The following NLRP9 variants were observed in gnomAD, a reference collection of about 807,000 sequenced individuals.
NLRP9 encodes the protein NACHT, LRR and PYD domains-containing protein 9.
A neutral mutation model predicts 83.1 loss-of-function variants in NLRP9; 88 were observed. That is an observed-to-expected ratio of 1.06 (90% CI 0.89 to 1.26). The LOEUF (loss-of-function observed/expected upper bound fraction) is 1.26. Ranked by LOEUF, NLRP9 falls within the 50% of genes most tolerant of loss-of-function variation. The pLI, the probability that NLRP9 is intolerant of heterozygous loss-of-function variation, is 0.00. For missense variants in NLRP9, 1,308 were observed against 1,179.3 expected (o/e 1.11, Z -1.60); for synonymous variants, 521 against 447.6 (o/e 1.16, Z -2.07).
At chr19:55,735,963 C>T (rs112603248) in intron 1 of NLRP9, among the ~76,000 whole-genome samples, 3,239 of 151,770 alleles carry the variant, frequency 0.021, 83 homozygotes, top group African/African-American at 0.059. Flanking sequence ...GCTGGGATTA[C>T]GGGTGTGAGC....
chr19:55,723,727 CAAA>C (rs10711721), intron 4 of NLRP9, among the ~76,000 whole-genome samples: 1,404 of 79,780 alleles, frequency 0.018, 14 homozygotes, highest in African/African-American at 0.056. Context: ...GACCCTGTCT[CAAA>C]AAAAAAAAAA....
At chr19:55,734,626 T>C (rs772967453) in intron 1 of NLRP9, among the ~76,000 whole-genome samples, 2,059 of 102,162 alleles carry the variant, frequency 0.02, 20 homozygotes, top group Non-Finnish European at 0.03. Flanking sequence ...CACACATATA[T>C]ATATATATAT....
At chr19:55,729,810 A>G (rs1330222639) in intron 3 of NLRP9, 21 bp downstream of exon 3, 1 of 1,595,070 alleles carries the variant, frequency 6.3e-7, no homozygotes, top group Non-Finnish European at 8.5e-7. Flanking sequence ...TGCTTAAAGG[A>G]CAGGTTAACA....
chr19:55,729,303 G>A (rs1988500169), intron 3 of NLRP9, among the ~76,000 whole-genome samples: 1 of 150,132 alleles, frequency 6.7e-6, no homozygotes, highest in African/African-American at 2.5e-5. Context: ...TGTTACTTAT[G>A]TATACATGTG....
At position 55,708,799 on chromosome 19, in the gene NLRP9, G is replaced by T; in HGVS notation, c.*113C>A. The T allele has an allele frequency of 1.4e-6, 1 of 694,286 alleles. No homozygotes were observed. Among genetic ancestry groups the T allele is most frequent in the Non-Finnish European group, 2.3e-6 (1 of 427,712 alleles). The allele number at this position is 694,286 out of a possible 1,614,324, so 43.0% of individuals were successfully genotyped here. On this transcript the variant is annotated 3_prime_UTR_variant, in exon 9 of 9. Transcript: ENST00000332836. ...GCTAGAACACTTAGGGAGTACCTCT[G>T]AAATCACAGCCCTGCTGCCATGATG...
chr19:55,737,768 A>C (rs550746674), intron 1 of NLRP9, among the ~76,000 whole-genome samples: 1 of 149,296 alleles, frequency 6.7e-6, no homozygotes, highest in Admixed American at 6.7e-5. Flanking sequence ...AAAGATAGGC[A>C]ACTACCATAC....
In NLRP9 at chr19:55,716,712, C is replaced by T; in HGVS notation, c.2330+16G>A. ...CTTCAGAAATCTCCGAACGTGCTTC[C>T]CGCAGACCAACTTACATCAGCCTCT... On this transcript the variant is annotated intron_variant, in intron 5 of 8. Transcript: ENST00000332836. 1.2e-6 allele frequency: 2 copies of T among 1,609,810 alleles called. No homozygotes were observed. Among genetic ancestry groups the T allele is most frequent in the Non-Finnish European group, 1.7e-6 (2 of 1,176,562 alleles).
At chr19:55,721,857 G>T (rs56212623) in intron 4 of NLRP9, among the ~76,000 whole-genome samples, 1 of 152,238 alleles carries the variant, frequency 6.6e-6, no homozygotes, top group South Asian at 2.1e-4. Context: ...CTTGTCTGCC[G>T]CCATGTGAGA....
At chr19:55,713,587 C>CCCT (rs555483298) in intron 6 of NLRP9, among the ~76,000 whole-genome samples, 39 of 140,676 alleles carry the variant, frequency 2.8e-4, no homozygotes, top group Admixed American at 1.1e-3. Flanking sequence ...CTCCCTCCTC[C>CCCT]CCTCCTCCTC....
In NLRP9 at chr19:55,732,830, C is replaced by T; in HGVS notation, c.1001G>A (p.Cys334Tyr). The change falls in exon 2 of 9, where the codon TGC becomes TAC. Residue 334 changes from cysteine to tyrosine, a missense_variant. Coordinates refer to ENST00000332836, the MANE Select transcript of NLRP9 (RefSeq NM_176820.4). ...VRDNGPLFILCHNPFTCWLVC... is the reference protein window; with the variant it reads ...VRDNGPLFILYHNPFTCWLVC... Reference sequence around the variant, plus strand: ...CAACCAGCACGTAAAGGGATTATGGCACAAGATAAACAGCGGCCCATTATC... The same window carrying T: ...CAACCAGCACGTAAAGGGATTATGGTACAAGATAAACAGCGGCCCATTATC... The T allele has an allele frequency of 6.2e-7, 1 of 1,614,156 alleles. No homozygotes were observed. Among genetic ancestry groups the T allele is most frequent in the Non-Finnish European group, 8.5e-7 (1 of 1,180,034 alleles).
At chr19:55,735,738 A>C (rs7256523) in intron 1 of NLRP9, among the ~76,000 whole-genome samples, 45,227 of 151,886 alleles carry the variant, frequency 0.3, 6,930 homozygotes, top group South Asian at 0.51. Context: ...CCCAGGCTAA[A>C]GTGCAGTGGT....
intron 8 of NLRP9, 22 bp from the exon 9 acceptor site, chr19:55,709,066 T>A (rs776876083): frequency 6.5e-7 from 1 of 1,541,424 alleles, no homozygotes. Flanking sequence ...GAAATAAAGT[T>A]TTTTTTTTTG....
At chr19:55,717,116 CT>C (rs1988054437) in intron 4 of NLRP9, among the ~76,000 whole-genome samples, 1 of 151,520 alleles carries the variant, frequency 6.6e-6, no homozygotes, top group African/African-American at 2.4e-5. Context: ...TCACCGCAAC[CT>C]CCACCTCCCG....
intron 3 of NLRP9, among the ~76,000 whole-genome samples, chr19:55,728,381 C>A: frequency 6.6e-6 from 1 of 152,068 alleles, no homozygotes; most frequent in Non-Finnish European, 1.5e-5. Flanking sequence ...TTGAGACCAG[C>A]CTGGCCAACA....
In NLRP9 at chr19:55,738,113, C is replaced by G; in HGVS notation, c.262G>C (p.Ala88Pro). The G allele has an allele frequency of 1.2e-6, 2 of 1,614,170 alleles. No individual in the cohort carries two copies. The highest frequency in any genetic ancestry group is 1.7e-6 in the Non-Finnish European group (2 of 1,180,026). Reference sequence around the variant, plus strand: ...CACTTACTTCTCATCTCTTCCTGAGCCTTTGTCCAGAGATCTTTCCTATTG... The same window carrying G: ...CACTTACTTCTCATCTCTTCCTGAGGCTTTGTCCAGAGATCTTTCCTATTG... The part of the protein sequence containing the change: ...QINRKDLWTK[A>P]QEEMRNKLNP... Residue 88 changes from alanine to proline, a missense_variant, in exon 1 of 9, where the codon GCT becomes CCT. Ala to Pro is a conservative substitution (Grantham distance 27). Transcript: ENST00000332836.
chr19:55,721,486 T>C (rs1476956330), intron 4 of NLRP9, among the ~76,000 whole-genome samples: 2 of 152,178 alleles, frequency 1.3e-5, no homozygotes, highest in Non-Finnish European at 1.5e-5. Flanking sequence ...TACCCCATTC[T>C]GTTTTAGCCA....
chr19:55,713,571 C>G (rs903369459), intron 6 of NLRP9, among the ~76,000 whole-genome samples: 1 of 134,434 alleles, frequency 7.4e-6, no homozygotes, highest in South Asian at 2.6e-4. Flanking sequence ...GCCCCTGGCA[C>G]CTTCTCTCCC....
Position 55,708,835 on chromosome 19 carries a change from G to T in NLRP9, c.*77C>A. Reference sequence around the variant, plus strand: ...CCTGCTGCCATGATGTGCAATTACAGGATAGAGGTGCCAGGTGAAGGTCCC... The same window carrying T: ...CCTGCTGCCATGATGTGCAATTACATGATAGAGGTGCCAGGTGAAGGTCCC... On this transcript the variant is annotated 3_prime_UTR_variant, in exon 9 of 9. Transcript: ENST00000332836. 9.9e-7 allele frequency: 1 copy of T among 1,013,306 alleles called. No individual in the cohort carries two copies. Among genetic ancestry groups the T allele is most frequent in the East Asian group, 2.8e-5 (1 of 35,964 alleles). 62.8% of individuals were successfully genotyped at this position (1,013,306 alleles called of 1,614,324 possible).
chr19:55,724,247 A>T, intron 3 of NLRP9, 103 bp from the exon 4 acceptor site: 1 of 733,792 alleles, frequency 1.4e-6, no homozygotes, highest in Non-Finnish European at 2.1e-6. Context: ...GGGCCTCACC[A>T]CACTGTTTCT....
Sources: allele counts gnomAD v4.1 joint callset (sites outside exome capture counted in the v4.1 genomes callset), GRCh38; gene constraint gnomAD v4.1.1; transcripts MANE v1.5; gene names NCBI Gene and HGNC (gene_info 2026-07-23, HGNC 2026-07-21).